Variants in CHN1 observed in about 807,000 individuals in gnomAD.
CHN1 encodes the protein chimerin 1, also known as N-chimaerin.
Under a neutral mutation model 59.5 loss-of-function variants are expected in CHN1, and 37 were observed. The observed-to-expected ratio is 0.62, with a 90% CI of 0.48 to 0.82. The LOEUF is 0.82. Ranked by LOEUF, CHN1 falls within the 40% of genes least tolerant of loss-of-function variation. CHN1 has a pLI of 0.00. For synonymous variants in CHN1, 206 were observed against 200.4 expected, an observed-to-expected ratio of 1.03 and a Z score of -0.24; for missense variants, 469 against 571.0, an observed-to-expected ratio of 0.82 and a Z score of 1.82.
intron 1 of CHN1, among the ~76,000 whole-genome samples, chr2:174,979,029 G>T (rs1199980996): frequency 6.6e-6 from 1 of 152,162 alleles, no homozygotes; most frequent in African/African-American, 2.4e-5. Context: ...TACAGTCTCT[G>T]TATTTGAGAA....
chr2:174,943,999 G>C (rs374747002), intron 3 of CHN1, among the ~76,000 whole-genome samples: 9 of 151,918 alleles, frequency 5.9e-5, no homozygotes, highest in East Asian at 3.9e-4. Context: ...TATGAAAGAG[G>C]GACCATACTT....
intron 3 of CHN1, among the ~76,000 whole-genome samples, chr2:174,942,091 T>C (rs151088972): frequency 1.7e-3 from 264 of 152,134 alleles, no homozygotes; most frequent in East Asian, 0.015. Context: ...TTATGGAAAA[T>C]GGTATGGAGG....
chr2:174,980,176 C>A (rs538899809), intron 1 of CHN1, among the ~76,000 whole-genome samples: 1 of 152,114 alleles, frequency 6.6e-6, no homozygotes, highest in Admixed American at 6.5e-5. Flanking sequence ...TTAATACTGA[C>A]CAACACACCC....
intron 6 of CHN1, among the ~76,000 whole-genome samples, chr2:174,852,825 T>C (rs561542231): frequency 6.6e-6 from 1 of 152,082 alleles, no homozygotes; most frequent in Non-Finnish European, 1.5e-5. Context: ...AAATAAGTAA[T>C]GGAGAAAGGA....
chr2:174,880,851 C>T (rs1426948869), intron 5 of CHN1, among the ~76,000 whole-genome samples: 1 of 152,020 alleles, frequency 6.6e-6, no homozygotes, highest in African/African-American at 2.4e-5. Context: ...AGTTTGAGAC[C>T]AGCCTAACCA....
intron 11 of CHN1, among the ~76,000 whole-genome samples, chr2:174,803,140 C>T (rs543405418): frequency 6.6e-6 from 1 of 152,288 alleles, no homozygotes; most frequent in African/African-American, 2.4e-5. Flanking sequence ...AGGAAGACTA[C>T]ATCTGACCAG....
At chr2:174,826,184 G>A (rs1685674523) in intron 7 of CHN1, among the ~76,000 whole-genome samples, 1 of 152,162 alleles carries the variant, frequency 6.6e-6, no homozygotes, top group Non-Finnish European at 1.5e-5. Flanking sequence ...TGCAGGCACG[G>A]TAGCCTCTGG....
chr2:174,828,351 G>A lies in CHN1; in HGVS notation c.628-3833C>T, dbSNP rs1352607686. Among the ~76,000 whole-genome samples the A allele has an allele frequency of 1.5e-4, 23 of 152,264 alleles. No individual in the cohort carries two copies. The East Asian group carries it at 3.5e-3, about 23-fold the overall frequency. On this transcript the variant is annotated intron_variant, in intron 7 of 12. Transcript: ENST00000409900. ...GTGTCAAGCACATTAAACAAAAAGT[G>A]ATGAATATTTTCTTTTTACGTGCGT... is the stretch of plus-strand genomic sequence containing the variant.
intron 5 of CHN1, among the ~76,000 whole-genome samples, chr2:174,885,670 C>T (rs865970260): frequency 3.4e-4 from 52 of 152,014 alleles, no homozygotes; most frequent in African/African-American, 1.2e-3. Flanking sequence ...GGGGTTTTGC[C>T]ATGTTGGCCA....
At chr2:174,802,852 A>T (rs1423211489) in intron 11 of CHN1, among the ~76,000 whole-genome samples, 3 of 152,164 alleles carry the variant, frequency 2.0e-5, no homozygotes. Flanking sequence ...AGCCTGGCCA[A>T]CATGGTGAAA....
intron 1 of CHN1, among the ~76,000 whole-genome samples, chr2:174,991,413 G>A (rs1050321964): frequency 6.6e-6 from 1 of 152,148 alleles, no homozygotes; most frequent in Non-Finnish European, 1.5e-5. Flanking sequence ...AATCAACCTG[G>A]ATTATAACAA....
intron 1 of CHN1, among the ~76,000 whole-genome samples, chr2:174,982,042 C>T (rs146187489): frequency 0.11 from 17,447 of 151,978 alleles, 1,011 homozygotes; most frequent in Admixed American, 0.14. Context: ...TGAGAACACG[C>T]GGTGTTTGGT....
intron 10 of CHN1, among the ~76,000 whole-genome samples, chr2:174,810,629 T>C (rs975279194): frequency 6.6e-6 from 1 of 152,154 alleles, no homozygotes; most frequent in African/African-American, 2.4e-5. Flanking sequence ...TTATTTGGAG[T>C]GAATACACCA....
intron 1 of CHN1, among the ~76,000 whole-genome samples, chr2:174,964,437 T>A (rs1690532340): frequency 6.6e-6 from 1 of 152,202 alleles, no homozygotes; most frequent in African/African-American, 2.4e-5. Context: ...AAGTAAACTA[T>A]CTGTAAGATG....
chr2:174,903,721 A>C (rs1688458780), intron 5 of CHN1, among the ~76,000 whole-genome samples: 1 of 152,200 alleles, frequency 6.6e-6, no homozygotes, highest in Non-Finnish European at 1.5e-5. Flanking sequence ...TTACTATAAA[A>C]TTATTTTTAT....
chr2:174,959,061 ATTTCT>A (rs1191065204), intron 1 of CHN1, among the ~76,000 whole-genome samples: 1 of 152,046 alleles, frequency 6.6e-6, no homozygotes, highest in Admixed American at 6.5e-5. Context: ...TTCTTTTAAT[ATTTCT>A]TTTAATATTA....
chr2:174,825,744 C>T (rs1315770055), intron 7 of CHN1, among the ~76,000 whole-genome samples: 1 of 152,166 alleles, frequency 6.6e-6, no homozygotes, highest in Non-Finnish European at 1.5e-5. Flanking sequence ...GTCATTTTTA[C>T]AATTGCTGTA....
intron 5 of CHN1, among the ~76,000 whole-genome samples, chr2:174,881,002 C>T (rs897184219): frequency 1.3e-5 from 2 of 149,420 alleles, no homozygotes; most frequent in Admixed American, 1.3e-4. Flanking sequence ...GCCAAGATTG[C>T]ACCATTGCAC....
In CHN1 at chr2:174,895,225, C is replaced by CAT. The variant is rs1301657159; in HGVS notation, c.261-17098_261-17097insAT. Among the ~76,000 whole-genome samples the CAT allele has an allele frequency of 3.2e-3, 487 of 150,988 alleles. 5 individuals are homozygous for CAT. Among genetic ancestry groups the CAT allele is most frequent in the African/African-American group, 0.011 (465 of 41,064 alleles). The stretch of plus-strand genomic sequence containing the variant: ...ATATATATATATATACACACACACA[C>CAT]ACACACACACACACAATGGAGTATT... On this transcript the variant is annotated intron_variant, in intron 5 of 12. Coordinates refer to ENST00000409900, the MANE Select transcript of CHN1 (RefSeq NM_001822.7).
Sources: allele counts gnomAD v4.1 joint callset (sites outside exome capture counted in the v4.1 genomes callset), GRCh38; gene constraint gnomAD v4.1.1; transcripts MANE v1.5; gene names NCBI Gene and HGNC (gene_info 2026-07-23, HGNC 2026-07-21).